The following ACLY variants were observed in gnomAD, a reference collection of about 807,000 sequenced individuals.
ACLY encodes ATP citrate lyase.
A neutral mutation model predicts 133.0 loss-of-function variants in ACLY; 41 were observed. The observed-to-expected ratio is 0.31, with a 90% CI of 0.24 to 0.40. The LOEUF is 0.40. Among genes scored for constraint, ACLY ranks in the 10% least tolerant of loss-of-function variants. The pLI is 1.00. For missense variants in ACLY, 1,046 were observed against 1,453.8 expected, an observed-to-expected ratio of 0.72 and a Z score of 4.56; for synonymous variants, 495 against 549.3, an observed-to-expected ratio of 0.90 and a Z score of 1.38.
upstream of ACLY, chr17:41,919,146 A>G (rs1038033953): frequency 1.1e-5 from 12 of 1,072,296 alleles, no homozygotes; most frequent in African/African-American, 2.1e-4. Flanking sequence ...TGGGACTTGT[A>G]GTCCCGCTGG....
Position 41,878,124 on chromosome 17 carries a change from G to A in ACLY, c.2466C>T (p.Pro822=), listed in dbSNP as rs1163743568. Residue 822 remains proline (P), a synonymous_variant, in exon 22 of 29, where the codon CCC becomes CCT. Transcript: ENST00000352035. ...PAQEVPPPTV[P]MDYSWARELG... ...CTACCCTGGCCCAGGAGTAGTCCATGGGCACGGTTGGGGGCGGCACCTCCT... is the reference window on the plus strand; with the variant it reads ...CTACCCTGGCCCAGGAGTAGTCCATAGGCACGGTTGGGGGCGGCACCTCCT... 1.3e-6 allele frequency: 2 copies of A among 1,581,146 alleles called. No individual in the cohort carries two copies. The highest frequency in any genetic ancestry group is 1.8e-5 in the Admixed American group (1 of 55,810).
At chr17:41,873,988 G>A in intron 22 of ACLY, 23 bp from the exon 23 acceptor site, 1 of 1,574,216 alleles carries the variant, frequency 6.4e-7, no homozygotes, top group Non-Finnish European at 8.7e-7. Flanking sequence ...GGGGAAGAGG[G>A]AAGCAGGGCC....
intron 16 of ACLY, among the ~76,000 whole-genome samples, chr17:41,890,499 A>G (rs1555629020): frequency 6.6e-6 from 1 of 150,974 alleles, no homozygotes; most frequent in Non-Finnish European, 1.5e-5. Flanking sequence ...CCTGGCCAAC[A>G]TGGTGAAACT....
At chr17:41,911,881 G>A (rs923196183) in intron 3 of ACLY, among the ~76,000 whole-genome samples, 6 of 152,068 alleles carry the variant, frequency 3.9e-5, no homozygotes, top group African/African-American at 7.2e-5. Flanking sequence ...TTGGGAAGCC[G>A]AGGCAGGCAG....
chr17:41,899,229 A>T (rs947578326), intron 11 of ACLY, among the ~76,000 whole-genome samples: 3 of 151,594 alleles, frequency 2.0e-5, no homozygotes, highest in Non-Finnish European at 2.9e-5. Context: ...GTAAGCTGAG[A>T]TTGCGCCACT....
In ACLY at chr17:41,889,524, C is replaced by CAAAAAAAAAAAAAAAAAAAAAAAAAAA. The variant is rs533387140; in HGVS notation, c.1771-1848_1771-1822dup. On this transcript the variant is annotated intron_variant, in intron 16 of 28. Coordinates refer to ENST00000352035, the MANE Select transcript of ACLY (RefSeq NM_001096.3). ...GGTGATGGAGAAAGGCTCCATTTCACAAAAAAAAAAAAAAAAAAAAAAAAA... is the reference window on the plus strand; with the variant it reads ...GGTGATGGAGAAAGGCTCCATTTCACAAAAAAAAAAAAAAAAAAAAAAAAAAAAAAAAAAAAAAAAAAAAAAAAAAAA... 1.3e-4 allele frequency among the ~76,000 whole-genome samples: 4 copies of CAAAAAAAAAAAAAAAAAAAAAAAAAAA among 31,602 alleles called. 1 individual carries two copies. Among genetic ancestry groups the CAAAAAAAAAAAAAAAAAAAAAAAAAAA allele is most frequent in the African/African-American group, 6.8e-4 (4 of 5,840 alleles). 20.7% of individuals were successfully genotyped at this position (31,602 alleles called of 152,430 possible).
chr17:41,920,962 T>G (rs567590584), upstream of ACLY, among the ~76,000 whole-genome samples: 24 of 151,644 alleles, frequency 1.6e-4, no homozygotes, highest in African/African-American at 5.8e-4. Context: ...CTCAGGAGGC[T>G]GAGTCAGGAG....
chr17:41,869,620 T>A, intron 25 of ACLY, 33 bp from the exon 26 acceptor site: 1 of 1,533,000 alleles, frequency 6.5e-7, no homozygotes, highest in Non-Finnish European at 9.0e-7. Context: ...AGAGGAACAC[T>A]CACACACTGC....
At chr17:41,916,489 G>A (rs1567916716) in intron 1 of ACLY, among the ~76,000 whole-genome samples, 1 of 151,498 alleles carries the variant, frequency 6.6e-6, no homozygotes, top group South Asian at 2.1e-4. Context: ...TTCTCCTGCC[G>A]CAGCCTCCTG....
intron 5 of ACLY, 49 bp from the exon 6 acceptor site, chr17:41,909,117 C>T (rs372482204): frequency 2.2e-5 from 32 of 1,451,790 alleles, no homozygotes; most frequent in Non-Finnish European, 2.6e-5. Flanking sequence ...GGGAGCAGCT[C>T]GGCAGCACCC....
intron 20 of ACLY, among the ~76,000 whole-genome samples, chr17:41,879,685 A>AAAAAAAAAG: frequency 7.9e-6 from 1 of 127,248 alleles, no homozygotes; most frequent in Non-Finnish European, 1.7e-5. Context: ...AAAAAAAAAA[A>AAAAAAAAAG]AAGAAGTGCT....
chr17:41,878,528 C>T (rs12452032), intron 21 of ACLY, among the ~76,000 whole-genome samples: 1 of 151,966 alleles, frequency 6.6e-6, no homozygotes, highest in African/African-American at 2.4e-5. Flanking sequence ...TTTCATGTGG[C>T]GCTCTCATCT....
intron 20 of ACLY, among the ~76,000 whole-genome samples, chr17:41,881,416 CAAAAAAAAAA>C (rs34173466): frequency 4.8e-5 from 2 of 41,592 alleles, no homozygotes. Context: ...GACTCCGTCT[CAAAAAAAAAA>C]AAAAAAAAAA....
At chr17:41,877,988 G>T in intron 22 of ACLY, 115 bp downstream of exon 22, 1 of 518,612 alleles carries the variant, frequency 1.9e-6, no homozygotes, top group Non-Finnish European at 3.2e-6. Context: ...AGAGATCCCC[G>T]ACTAATACAG....
intron 1 of ACLY, among the ~76,000 whole-genome samples, chr17:41,918,602 G>T (rs1318198501): frequency 6.6e-6 from 1 of 152,242 alleles, no homozygotes. Context: ...CAATGTGGCA[G>T]AGGCAGAAGA....
At chr17:41,876,532 G>A (rs1555626219) in intron 22 of ACLY, among the ~76,000 whole-genome samples, 1 of 152,244 alleles carries the variant, frequency 6.6e-6, no homozygotes, top group Non-Finnish European at 1.5e-5. Context: ...GTAGAAAGAA[G>A]TAGACATGGG....
intron 1 of ACLY, among the ~76,000 whole-genome samples, chr17:41,927,194 A>G (rs2144465761): frequency 6.6e-6 from 1 of 152,290 alleles, no homozygotes; most frequent in East Asian, 1.9e-4. Context: ...ATACATGTAT[A>G]TACCTGTGAA....
intron 16 of ACLY, 46 bp downstream of exon 16, chr17:41,892,233 T>C (rs782162516): frequency 4.3e-6 from 2 of 465,824 alleles, no homozygotes; most frequent in East Asian, 1.6e-4. Context: ...TACCTGCGCA[T>C]AGTTCATGGT....
chr17:41,925,187 C>A (rs1489418604), intron 1 of ACLY, among the ~76,000 whole-genome samples: 1 of 151,816 alleles, frequency 6.6e-6, no homozygotes, highest in East Asian at 1.9e-4. Context: ...AGGCGCCCAC[C>A]ACCACACAGG....
Sources: allele counts gnomAD v4.1 joint callset (sites outside exome capture counted in the v4.1 genomes callset), GRCh38; gene constraint gnomAD v4.1.1; transcripts MANE v1.5; gene names NCBI Gene and HGNC (gene_info 2026-07-23, HGNC 2026-07-21).